The following TENM4 variants were observed in gnomAD, a reference collection of about 807,000 sequenced individuals.
TENM4 encodes teneurin-4.
In TENM4, 82 loss-of-function variants were observed where a neutral mutation model predicts 243.3. The ratio of observed to expected loss-of-function variants is 0.34; its 90% CI spans 0.28 to 0.40. The LOEUF is 0.40. Ranked by LOEUF, TENM4 falls within the 10% of genes least tolerant of loss-of-function variation. The probability of loss-of-function intolerance (pLI) is 1.00; values close to 1 mark genes in which losing one functional copy is unlikely to be tolerated. For missense variants in TENM4, 3,138 were observed against 3,673.3 expected (o/e 0.85, Z 3.77); for synonymous variants, 1,412 against 1,456.3 (o/e 0.97, Z 0.69).
chr11:78,963,392 A>G (rs1271566490), intron 6 of TENM4, among the ~76,000 whole-genome samples: 36 of 152,234 alleles, frequency 2.4e-4, no homozygotes, highest in Admixed American at 2.2e-3. Context: ...TACATCGTCT[A>G]TAAGAGAGCT....
In TENM4 at chr11:79,224,635, A is replaced by G. The variant is rs977042415; in HGVS notation, c.-264-8726T>C. 2.4e-4 allele frequency among the ~76,000 whole-genome samples: 36 copies of G among 152,186 alleles called. 1 individual carries two copies. Among genetic ancestry groups the G allele is most frequent in the Admixed American group, 8.5e-4 (13 of 15,276 alleles). ...AGGTCATTAGGGCAGGCCCTAATCTAATATGACTAGTGTCCTTATAAAAAG... is the reference window on the plus strand; with the variant it reads ...AGGTCATTAGGGCAGGCCCTAATCTGATATGACTAGTGTCCTTATAAAAAG... On this transcript the variant is annotated intron_variant, in intron 2 of 33. Coordinates refer to ENST00000278550, the MANE Select transcript of TENM4 (RefSeq NM_001098816.3).
chr11:78,770,221 T>A (rs968287188), intron 18 of TENM4, among the ~76,000 whole-genome samples: 3 of 152,230 alleles, frequency 2.0e-5, no homozygotes, highest in Non-Finnish European at 4.4e-5. Flanking sequence ...ACATTATGGT[T>A]GTATTTACCC....
At chr11:79,251,249 T>G (rs1446986476) in intron 2 of TENM4, among the ~76,000 whole-genome samples, 1 of 152,170 alleles carries the variant, frequency 6.6e-6, no homozygotes, top group African/African-American at 2.4e-5. Flanking sequence ...TTGGAAGGGT[T>G]TCCTCCCTCC....
At chr11:79,055,438 C>G (rs545296796) in intron 6 of TENM4, among the ~76,000 whole-genome samples, 14 of 152,030 alleles carry the variant, frequency 9.2e-5, no homozygotes, top group Admixed American at 2.0e-4. Context: ...GTAGGGGTTT[C>G]ACCATGTTGG....
At chr11:79,251,409 G>A (rs11822132) in intron 2 of TENM4, among the ~76,000 whole-genome samples, 16,216 of 152,232 alleles carry the variant, frequency 0.11, 1,705 homozygotes, top group African/African-American at 0.27. Context: ...TATATCACCC[G>A]TGGGTTGCTA....
intron 19 of TENM4, among the ~76,000 whole-genome samples, chr11:78,746,426 G>A (rs777771187): frequency 6.6e-6 from 1 of 152,264 alleles, no homozygotes; most frequent in Non-Finnish European, 1.5e-5. Flanking sequence ...GACACCAAGG[G>A]AGCGTGAGCT....
chr11:78,687,929 A>G lies in TENM4; in HGVS notation c.5260+125T>C, dbSNP rs145094313. 3.2e-3 allele frequency: 3,681 copies of G among 1,135,934 alleles called. 15 individuals are homozygous for G. Among genetic ancestry groups the G allele is most frequent in the Middle Eastern group, 4.3e-3 (14 of 3,280 alleles). 70.4% of individuals were successfully genotyped at this position (1,135,934 alleles called of 1,614,324 possible). On this transcript the variant is annotated intron_variant, in intron 29 of 33. Transcript: ENST00000278550. Reference sequence around the variant, plus strand: ...TATTTTGCAAATTAGGTGATAATACAGAGAGTTGCAATGCTTTCCTGTTCT... The same window carrying G: ...TATTTTGCAAATTAGGTGATAATACGGAGAGTTGCAATGCTTTCCTGTTCT...
At chr11:78,778,475 T>A in intron 17 of TENM4, 127 bp downstream of exon 17, 2 of 1,015,824 alleles carry the variant, frequency 2.0e-6, no homozygotes, top group Non-Finnish European at 2.9e-6. Context: ...AAACTGGGGA[T>A]GCATTAGCTT....
chr11:78,755,011 T>A (rs577079764), intron 19 of TENM4, among the ~76,000 whole-genome samples: 18 of 152,344 alleles, frequency 1.2e-4, no homozygotes, highest in African/African-American at 4.1e-4. Flanking sequence ...GACCTGCATG[T>A]CTGCATCCCG....
At chr11:79,322,730 T>C (rs1856912010) in intron 1 of TENM4, among the ~76,000 whole-genome samples, 1 of 152,236 alleles carries the variant, frequency 6.6e-6, no homozygotes, top group Non-Finnish European at 1.5e-5. Context: ...TGGTTTCTAC[T>C]GTATATTCCC....
chr11:79,216,852 T>C (rs917473690), intron 2 of TENM4, among the ~76,000 whole-genome samples: 4 of 152,152 alleles, frequency 2.6e-5, no homozygotes, highest in African/African-American at 9.7e-5. Flanking sequence ...TAGCAGAAAA[T>C]GGACTAAGGC....
At chr11:78,711,055 G>A (rs1012407941) in intron 26 of TENM4, among the ~76,000 whole-genome samples, 1 of 152,186 alleles carries the variant, frequency 6.6e-6, no homozygotes, top group African/African-American at 2.4e-5. Flanking sequence ...CCCAGGGCCA[G>A]CCAGTAGCAG....
In TENM4 at chr11:79,438,523, C is replaced by T. The variant is rs1859327032; in HGVS notation, c.-321+1986G>A. Among the ~76,000 whole-genome samples the T allele has an allele frequency of 1.3e-5, 2 of 152,170 alleles. No individual in the cohort carries two copies. The highest frequency in any genetic ancestry group is 4.8e-5 in the African/African-American group (2 of 41,432). ...CCCGGCAGAGCCAGCGTTCTACTCC[C>T]TCTAACCCCTCGCCAGCGTGGGCCT... On this transcript the variant is annotated intron_variant, in intron 1 of 33. Coordinates refer to ENST00000278550, the MANE Select transcript of TENM4 (RefSeq NM_001098816.3). The surrounding 1 kb of genome is among the most constrained non-coding windows in gnomAD (Gnocchi z 4.1).
At chr11:78,984,721 T>G (rs1473465588) in intron 6 of TENM4, among the ~76,000 whole-genome samples, 1 of 152,214 alleles carries the variant, frequency 6.6e-6, no homozygotes, top group East Asian at 1.9e-4. Flanking sequence ...ACAGCCAATA[T>G]GGCATAGTGA....
At chr11:78,888,526 T>A (rs981450603) in intron 9 of TENM4, among the ~76,000 whole-genome samples, 8 of 152,224 alleles carry the variant, frequency 5.3e-5, no homozygotes, top group African/African-American at 1.9e-4. Flanking sequence ...GAATCTTGAG[T>A]GGAATTGACC....
At chr11:78,986,023 G>A (rs900018180) in intron 6 of TENM4, among the ~76,000 whole-genome samples, 1 of 152,180 alleles carries the variant, frequency 6.6e-6, no homozygotes, top group African/African-American at 2.4e-5. Context: ...AAGAGATGAA[G>A]CACAATGTCT....
At chr11:78,842,520 C>T (rs1858283354) in intron 12 of TENM4, among the ~76,000 whole-genome samples, 1 of 152,260 alleles carries the variant, frequency 6.6e-6, no homozygotes, top group Non-Finnish European at 1.5e-5. Flanking sequence ...TCCTGTGCTT[C>T]CCACTGCTTT....
intron 16 of TENM4, among the ~76,000 whole-genome samples, chr11:78,782,156 A>C (rs1856848424): frequency 6.6e-6 from 1 of 152,210 alleles, no homozygotes; most frequent in African/African-American, 2.4e-5. Context: ...TCTGATAGCT[A>C]TCATTCAAAA....
At chr11:79,144,113 A>G (rs1862347868) in intron 4 of TENM4, among the ~76,000 whole-genome samples, 1 of 152,054 alleles carries the variant, frequency 6.6e-6, no homozygotes, top group East Asian at 1.9e-4. Flanking sequence ...GGAAAAAAAT[A>G]TAATAATTTG....
Sources: gnomAD v4.1 joint callset for allele counts (sites outside exome capture counted in the v4.1 genomes callset) on GRCh38, gnomAD v4.1.1 for gene constraint, Gnocchi (gnomAD v3.1) non-coding constraint, MANE v1.5 for transcripts, NCBI Gene and HGNC (gene_info 2026-07-23, HGNC 2026-07-21) for gene names.